The following GRM7 variants were observed in gnomAD, a reference collection of about 807,000 sequenced individuals.
GRM7 encodes glutamate metabotropic receptor 7, also known as metabotropic glutamate receptor 7.
Under a neutral mutation model 84.5 loss-of-function variants are expected in GRM7, and 35 were observed. The ratio of observed to expected loss-of-function variants is 0.41; its 90% confidence interval spans 0.32 to 0.55. The LOEUF (loss-of-function observed/expected upper bound fraction) is 0.55, where lower values mean the gene tolerates loss of function less well. GRM7 is among the 20% of genes least tolerant of loss of function. The pLI is 0.19. For missense variants in GRM7, 1,003 were observed against 1,194.6 expected (o/e 0.84, Z 2.36); for synonymous variants, 487 against 455.1 (o/e 1.07, Z -0.89).
At chr3:6,950,580 A>T (rs908252796) in intron 1 of GRM7, among the ~76,000 whole-genome samples, 5 of 152,218 alleles carry the variant, frequency 3.3e-5, no homozygotes, top group Non-Finnish European at 7.3e-5. Context: ...CTCTCTTCAA[A>T]ACTGTCAGAC....
At chr3:7,128,886 A>G (rs897692329) in intron 1 of GRM7, among the ~76,000 whole-genome samples, 1 of 152,086 alleles carries the variant, frequency 6.6e-6, no homozygotes. Flanking sequence ...ATGGCAGAAA[A>G]GAGCACAGGA....
intron 8 of GRM7, among the ~76,000 whole-genome samples, chr3:7,670,827 C>T (rs60672505): frequency 0.12 from 18,874 of 152,094 alleles, 1,562 homozygotes; most frequent in Non-Finnish European, 0.17. Flanking sequence ...CATTATAAGA[C>T]AGAATCTGAC....
At chr3:7,233,964 T>C (rs4686118) in intron 2 of GRM7, among the ~76,000 whole-genome samples, 66,494 of 151,982 alleles carry the variant, frequency 0.44, 15,079 homozygotes, top group East Asian at 0.55. Flanking sequence ...GTTCAAGGCA[T>C]TTTTAAATAG....
intron 2 of GRM7, among the ~76,000 whole-genome samples, chr3:7,280,578 G>A (rs1699219776): frequency 6.6e-6 from 1 of 152,132 alleles, no homozygotes; most frequent in Non-Finnish European, 1.5e-5. Flanking sequence ...CTATTTCATA[G>A]GCTGTCACGG....
chr3:7,013,559 A>G (rs1417446101), intron 1 of GRM7, among the ~76,000 whole-genome samples: 2 of 152,074 alleles, frequency 1.3e-5, no homozygotes, highest in East Asian at 3.9e-4. Flanking sequence ...TGCTTTTATA[A>G]TTTTCTTTAA....
intron 1 of GRM7, among the ~76,000 whole-genome samples, chr3:6,869,738 A>T (rs414907): frequency 6.6e-6 from 1 of 151,892 alleles, no homozygotes; most frequent in Non-Finnish European, 1.5e-5. Flanking sequence ...GAAACTTTTT[A>T]TGGAACTGAT....
At chr3:7,437,115 G>A (rs765776768) in intron 5 of GRM7, among the ~76,000 whole-genome samples, 1 of 152,142 alleles carries the variant, frequency 6.6e-6, no homozygotes, top group African/African-American at 2.4e-5. Flanking sequence ...TAGCCACACA[G>A]CTGATAAGTG....
At chr3:6,990,784 T>C (rs1299076965) in intron 1 of GRM7, among the ~76,000 whole-genome samples, 2 of 152,244 alleles carry the variant, frequency 1.3e-5, no homozygotes, top group African/African-American at 4.8e-5. Flanking sequence ...TAGTGAGATG[T>C]GCTTTCTCTT....
intron 9 of GRM7, among the ~76,000 whole-genome samples, chr3:7,711,980 T>C (rs1701595524): frequency 1.3e-5 from 2 of 152,184 alleles, no homozygotes; most frequent in Admixed American, 1.3e-4. Flanking sequence ...AAAATGAGCA[T>C]TTCTGTCATC....
At chr3:6,962,426 C>T (rs1013690107) in intron 1 of GRM7, among the ~76,000 whole-genome samples, 10 of 151,868 alleles carry the variant, frequency 6.6e-5, no homozygotes, top group African/African-American at 2.4e-4. Flanking sequence ...ATGTTAGAAT[C>T]AGTCAAAAGG....
chr3:7,570,389 A>G lies in GRM7; in HGVS notation c.1516-8033A>G, dbSNP rs527387850. ...AAAAGTTAGTTACTTCGTAGATACA[A>G]TGGGGGTACAGGCATTGGGTAAATA... On this transcript the variant is annotated intron_variant, in intron 7 of 9. Coordinates refer to ENST00000357716, the MANE Select transcript of GRM7 (RefSeq NM_000844.4). 4.6e-5 allele frequency among the ~76,000 whole-genome samples: 7 copies of G among 152,354 alleles called. No individual in the cohort carries two copies. In the South Asian group the frequency reaches 1.2e-3, roughly 27 times the overall value.
At chr3:7,438,484 G>A (rs1169433906) in intron 5 of GRM7, among the ~76,000 whole-genome samples, 1 of 151,984 alleles carries the variant, frequency 6.6e-6, no homozygotes, top group Non-Finnish European at 1.5e-5. Context: ...CTCACAAAGG[G>A]ATGATGTCCA....
intron 1 of GRM7, among the ~76,000 whole-genome samples, chr3:7,054,414 A>G (rs1019935438): frequency 5.3e-5 from 8 of 150,820 alleles, no homozygotes; most frequent in Non-Finnish European, 1.0e-4. Context: ...TAAGATTAAA[A>G]TGGCTATATA....
rs199923887 is a variant in GRM7 at position 7,072,294 on chromosome 3, AC to A, written c.520-74156del. ...ACATGAGGTTCTGTGAAACTCTGAGACCTTAAATACTTTTGGTAAGTCATTG... is the reference window on the plus strand; with the variant it reads ...ACATGAGGTTCTGTGAAACTCTGAGACTTAAATACTTTTGGTAAGTCATTG... On this transcript the variant is annotated intron_variant, in intron 1 of 9. Coordinates refer to ENST00000357716, the MANE Select transcript of GRM7 (RefSeq NM_000844.4). Among the ~76,000 whole-genome samples the A allele has an allele frequency of 9.8e-3, 1,486 of 152,282 alleles. 11 individuals carry two copies. Among genetic ancestry groups the A allele is most frequent in the Non-Finnish European group, 0.017 (1,154 of 68,020 alleles).
At chr3:7,218,943 A>C (rs1696705018) in intron 2 of GRM7, among the ~76,000 whole-genome samples, 1 of 152,254 alleles carries the variant, frequency 6.6e-6, no homozygotes, top group East Asian at 1.9e-4. Flanking sequence ...AAAACTACCC[A>C]TCATTTATTG....
intron 4 of GRM7, among the ~76,000 whole-genome samples, chr3:7,365,219 CTTT>C (rs1407151202): frequency 6.6e-6 from 1 of 151,734 alleles, no homozygotes; most frequent in Non-Finnish European, 1.5e-5. Flanking sequence ...CCCTCTTCCC[CTTT>C]TGTTCTTTGT....
At chr3:6,997,294 G>T (rs1694858716) in intron 1 of GRM7, among the ~76,000 whole-genome samples, 1 of 151,918 alleles carries the variant, frequency 6.6e-6, no homozygotes, top group Non-Finnish European at 1.5e-5. Context: ...CTTAATATTT[G>T]TATTAATTTA....
chr3:7,192,441 C>T (rs1053452982), intron 2 of GRM7, among the ~76,000 whole-genome samples: 36 of 152,096 alleles, frequency 2.4e-4, no homozygotes, highest in African/African-American at 8.7e-4. Flanking sequence ...TACTGCACTC[C>T]CCCAGAAGTT....
intron 4 of GRM7, among the ~76,000 whole-genome samples, chr3:7,335,568 A>G (rs1282288761): frequency 6.6e-6 from 1 of 152,044 alleles, no homozygotes; most frequent in Non-Finnish European, 1.5e-5. Context: ...TCAGAGTAGA[A>G]CTAAATGAAA....
Sources: gnomAD v4.1 joint callset for allele counts (sites outside exome capture counted in the v4.1 genomes callset) on GRCh38, gnomAD v4.1.1 for gene constraint, MANE v1.5 for transcripts, NCBI Gene and HGNC (gene_info 2026-07-23, HGNC 2026-07-21) for gene names.